Variants in CCSER1 observed in about 807,000 individuals in gnomAD.
CCSER1 encodes the protein coiled-coil serine rich protein 1, also known as serine-rich coiled-coil domain-containing protein 1.
A neutral mutation model predicts 82.0 loss-of-function variants in CCSER1; 41 were observed. The ratio of observed to expected loss-of-function variants is 0.50; its 90% CI spans 0.39 to 0.65. CCSER1 has a LOEUF of 0.65. Ranked by LOEUF, CCSER1 falls within the 30% of genes least tolerant of loss-of-function variation. CCSER1 has a pLI of 0.00. For missense variants in CCSER1, 1,119 were observed against 1,064.2 expected (o/e 1.05, Z -0.72); for synonymous variants, 414 against 383.9 (o/e 1.08, Z -0.92).
chr4:91,162,751 G>T (rs757638612), intron 10 of CCSER1, among the ~76,000 whole-genome samples: 1 of 152,088 alleles, frequency 6.6e-6, no homozygotes, highest in African/African-American at 2.4e-5. Flanking sequence ...ATGGTAGTTT[G>T]TATTTCTGTG....
chr4:91,394,861 T>C (rs1751871916), intron 10 of CCSER1, among the ~76,000 whole-genome samples: 1 of 151,918 alleles, frequency 6.6e-6, no homozygotes. Flanking sequence ...TGTTTTTTTT[T>C]TGAAAATTAA....
intron 7 of CCSER1, among the ~76,000 whole-genome samples, chr4:90,732,834 C>T (rs557245542): frequency 1.8e-4 from 28 of 152,300 alleles, no homozygotes; most frequent in African/African-American, 6.5e-4. Context: ...CTTCCAGCTC[C>T]ATCCCTGTTG....
intron 10 of CCSER1, among the ~76,000 whole-genome samples, chr4:91,377,160 T>G (rs1457713249): frequency 1.3e-5 from 2 of 152,192 alleles, no homozygotes; most frequent in Admixed American, 6.5e-5. Context: ...TGTTGGACAT[T>G]TGGGTTGGTT....
At chr4:91,200,204 A>G (rs1219817689) in intron 10 of CCSER1, among the ~76,000 whole-genome samples, 1 of 151,988 alleles carries the variant, frequency 6.6e-6, no homozygotes, top group African/African-American at 2.4e-5. Flanking sequence ...TCAATCTTAA[A>G]TTTTCAAAAG....
chr4:90,820,545 A>T (rs917435541), intron 8 of CCSER1, among the ~76,000 whole-genome samples: 4 of 152,142 alleles, frequency 2.6e-5, no homozygotes, highest in Admixed American at 2.0e-4. Flanking sequence ...TATACATGAC[A>T]TGGAAGCCTT....
At chr4:90,861,389 AATGATTGATG>A (rs1185191683) in intron 8 of CCSER1, among the ~76,000 whole-genome samples, 1 of 151,762 alleles carries the variant, frequency 6.6e-6, no homozygotes, top group Non-Finnish European at 1.5e-5. Flanking sequence ...TATTATGTAT[AATGATTGATG>A]TCCCAGTGAT....
chr4:91,384,056 C>T (rs1020909224), intron 10 of CCSER1, among the ~76,000 whole-genome samples: 16 of 151,950 alleles, frequency 1.1e-4, no homozygotes, highest in African/African-American at 3.6e-4. Context: ...GTTCCAGTTG[C>T]TGTAGCTAAA....
At chr4:91,441,855 TGA>T (rs79489148) in intron 10 of CCSER1, among the ~76,000 whole-genome samples, 115,276 of 151,694 alleles carry the variant, frequency 0.76, 44,085 homozygotes, top group East Asian at 0.92. Flanking sequence ...AAATTATGAG[TGA>T]GCTCCCATTC....
At chr4:91,474,758 C>T (rs113072257) in intron 10 of CCSER1, among the ~76,000 whole-genome samples, 1,828 of 65,356 alleles carry the variant, frequency 0.028, 20 homozygotes, top group Middle Eastern at 0.071. Context: ...CACACACACA[C>T]ATGTGTGTGT....
At chr4:90,520,191 T>A (rs1340126809) in intron 5 of CCSER1, among the ~76,000 whole-genome samples, 3 of 151,686 alleles carry the variant, frequency 2.0e-5, no homozygotes, top group Non-Finnish European at 4.4e-5. Flanking sequence ...TTGTTTTTAG[T>A]GTTTGTATCA....
chr4:90,717,743 C>T (rs201612655), intron 6 of CCSER1, among the ~76,000 whole-genome samples: 16 of 145,076 alleles, frequency 1.1e-4, no homozygotes, highest in South Asian at 4.3e-4. Flanking sequence ...TATATATACA[C>T]ATATATATAT....
At chr4:90,153,594 G>A (rs1345214505) in intron 1 of CCSER1, among the ~76,000 whole-genome samples, 3 of 151,988 alleles carry the variant, frequency 2.0e-5, no homozygotes, top group African/African-American at 7.2e-5. Context: ...GGTGTGAGAT[G>A]GTATCTCATT....
intron 3 of CCSER1, among the ~76,000 whole-genome samples, chr4:90,342,452 G>T (rs1420151367): frequency 6.6e-6 from 1 of 152,046 alleles, no homozygotes; most frequent in Non-Finnish European, 1.5e-5. Flanking sequence ...AAGTAATCAT[G>T]CCTACCTTTC....
chr4:90,310,290 G>A (rs1735070139), intron 2 of CCSER1, among the ~76,000 whole-genome samples: 1 of 151,906 alleles, frequency 6.6e-6, no homozygotes. Context: ...CTGTAATATG[G>A]CTACAGAAAA....
chr4:90,286,610 A>G (rs1729947236), intron 1 of CCSER1, among the ~76,000 whole-genome samples: 2 of 152,044 alleles, frequency 1.3e-5, no homozygotes, highest in African/African-American at 4.8e-5. Context: ...GAAGCTTTAA[A>G]TAATTTAATT....
At chr4:91,241,816 C>A (rs1386898013) in intron 10 of CCSER1, among the ~76,000 whole-genome samples, 5 of 151,966 alleles carry the variant, frequency 3.3e-5, no homozygotes, top group Admixed American at 2.6e-4. Flanking sequence ...AAATGAATTG[C>A]AGCTCTAGCA....
chr4:91,522,850 T>C (rs1318291863), intron 10 of CCSER1, among the ~76,000 whole-genome samples: 1 of 152,304 alleles, frequency 6.6e-6, no homozygotes, highest in Non-Finnish European at 1.5e-5. Context: ...TTTTTCCTAG[T>C]TGAATACCTT....
intron 5 of CCSER1, among the ~76,000 whole-genome samples, chr4:90,538,745 T>G (rs1308829457): frequency 1.3e-5 from 2 of 152,112 alleles, no homozygotes; most frequent in Non-Finnish European, 2.9e-5. Context: ...AATATTTACC[T>G]TATGAAATCT....
intron 1 of CCSER1, among the ~76,000 whole-genome samples, chr4:90,208,298 G>A (rs988616518): frequency 6.6e-6 from 1 of 152,142 alleles, no homozygotes; most frequent in Non-Finnish European, 1.5e-5. Context: ...CTTTGTTTAT[G>A]CTGTAAAGGG....
Sources: allele counts gnomAD v4.1 joint callset (sites outside exome capture counted in the v4.1 genomes callset), GRCh38; gene constraint gnomAD v4.1.1; transcripts MANE v1.5; gene names NCBI Gene and HGNC (gene_info 2026-07-23, HGNC 2026-07-21).